SMS: variants seen among roughly 807,000 people sequenced by gnomAD.
SMS encodes spermine synthase.
SMS carries 3 observed loss-of-function variants against 33.0 expected under a neutral mutation model. The ratio of observed to expected loss-of-function variants is 0.09; its 90% CI spans 0.04 to 0.23. The LOEUF (loss-of-function observed/expected upper bound fraction) is 0.23. SMS is among the 10% of genes least tolerant of loss of function. SMS has a pLI of 1.00. For missense variants in SMS, 117 were observed against 288.6 expected (o/e 0.41, Z 4.31); for synonymous variants, 103 against 112.2 (o/e 0.92, Z 0.52).
intron 1 of SMS, among the ~76,000 whole-genome samples, chrX:21,961,462 G>T (rs928526474): frequency 1.8e-5 from 2 of 110,858 alleles, no homozygotes; most frequent in African/African-American, 6.6e-5. Flanking sequence ...TGCACGGGAG[G>T]CAGGTTCCAG....
chrX:21,976,976 G>T, intron 4 of SMS, 85 bp from the exon 5 acceptor site: 1 of 946,529 alleles, frequency 1.1e-6, no homozygotes, highest in Non-Finnish European at 1.5e-6. Context: ...CAGTCATGTG[G>T]CTTTCTTTTG....
At chrX:21,967,378 GTGGAGGA>G in intron 2 of SMS, 62 bp downstream of exon 2, 2 of 1,152,348 alleles carry the variant, frequency 1.7e-6, no homozygotes, top group Non-Finnish European at 2.4e-6. Context: ...GGGTGACAGA[GTGGAGGA>G]TGGGGGTGGC....
At chrX:21,945,122 G>C (rs1369630700) in intron 1 of SMS, among the ~76,000 whole-genome samples, 1 of 112,021 alleles carries the variant, frequency 8.9e-6, no homozygotes, top group Non-Finnish European at 1.9e-5. Flanking sequence ...CCTGGGCTGG[G>C]CGTATCTTTT....
At chrX:21,992,740 C>T (rs762542029) in intron 10 of SMS, 28 bp downstream of exon 10, 1 of 920,774 alleles carries the variant, frequency 1.1e-6, no homozygotes, top group Non-Finnish European at 1.6e-6. Context: ...CATTCTGTTG[C>T]CAGATCAAAG....
chrX:21,943,231 C>T (rs1171547310), intron 1 of SMS, among the ~76,000 whole-genome samples: 1 of 111,981 alleles, frequency 8.9e-6, no homozygotes. Context: ...GTCCTTAAAC[C>T]TCCTTGGCCA....
rs778214794 is a variant in SMS at position 21,971,923 on chromosome X, A to G, written c.197A>G (p.His66Arg). 3 of 1,199,315 alleles carry G rather than the reference A, an allele frequency of 2.5e-6. No homozygotes were observed. The highest frequency in any genetic ancestry group is 3.4e-6 in the Non-Finnish European group (3 of 884,888). Residue 66 changes from histidine to arginine, a missense_variant, in exon 3 of 11, where the codon CAT becomes CGT. His to Arg is a conservative substitution (Grantham distance 29). This residue lies in a region of SMS where 23 missense variants were observed against 60.5 expected (regional missense o/e 0.38). Transcript: ENST00000404933. The part of the protein sequence containing the change: ...GSFANLRIYP[H>R]GLVLLDLQSY... ...TTTGCCAATTTGAGAATTTACCCAC[A>G]TGGATTGGTGTTGCTGGACCTTCAG...
At chrX:21,980,880 C>G (rs1287458239) in intron 7 of SMS, among the ~76,000 whole-genome samples, 2 of 111,754 alleles carry the variant, frequency 1.8e-5, no homozygotes, top group African/African-American at 6.5e-5. Context: ...ATTTCCTTCC[C>G]ACCCATTTCC....
At chrX:21,980,078 C>A (rs1484618051) in intron 7 of SMS, among the ~76,000 whole-genome samples, 1 of 110,138 alleles carries the variant, frequency 9.1e-6, no homozygotes, top group East Asian at 2.8e-4. Flanking sequence ...TAAGCTAAAT[C>A]TGGCAAATTA....
intron 1 of SMS, among the ~76,000 whole-genome samples, chrX:21,943,431 G>T (rs1921964317): frequency 8.9e-6 from 1 of 111,849 alleles, no homozygotes; most frequent in African/African-American, 3.3e-5. Context: ...AGTTGGAAAG[G>T]TGTGGAAGTG....
chrX:21,980,971 G>C (rs769772381), intron 7 of SMS, among the ~76,000 whole-genome samples: 8 of 111,855 alleles, frequency 7.2e-5, no homozygotes, highest in Non-Finnish European at 1.3e-4. Flanking sequence ...ATTATGTTAA[G>C]ATGTTATTGA....
chrX:21,955,914 C>A (rs1001513166), intron 1 of SMS, among the ~76,000 whole-genome samples: 3 of 111,794 alleles, frequency 2.7e-5, no homozygotes, highest in African/African-American at 9.8e-5. Flanking sequence ...TGAGTCTTGA[C>A]TCTCATACGG....
intron 1 of SMS, among the ~76,000 whole-genome samples, chrX:21,949,892 C>A (rs1310503635): frequency 9.1e-6 from 1 of 110,175 alleles, no homozygotes; most frequent in African/African-American, 3.3e-5. Context: ...AATGCTGATT[C>A]GGGATTTCCA....
chrX:21,987,921 C>A (rs1925465551), intron 9 of SMS, among the ~76,000 whole-genome samples: 1 of 112,418 alleles, frequency 8.9e-6, no homozygotes, highest in South Asian at 3.6e-4. Flanking sequence ...TAATAGAATA[C>A]TTGCTTAGAA....
chrX:21,984,513 G>C (rs977568753), intron 8 of SMS, 95 bp downstream of exon 8: 8 of 621,096 alleles, frequency 1.3e-5, no homozygotes, highest in East Asian at 6.9e-5. Flanking sequence ...GTTCTCTCAC[G>C]TTTTTGAAAA....
Position 21,994,331 on chromosome X carries a change from T to C in SMS, c.1081T>C (p.Trp361Arg). Residue 361 changes from tryptophan to arginine, a missense_variant, in exon 11 of 11, where the codon TGG becomes CGG. Physicochemically the swap from Trp to Arg is moderately radical, Grantham distance 101. Around this residue, in one of 3 missense-constraint regions of SMS, gnomAD observed 69 missense variants for 203.8 expected, o/e 0.34. Coordinates refer to ENST00000404933, the MANE Select transcript of SMS (RefSeq NM_004595.5). ...GTCCAGGTGGGTATTTTACACTGTT[T>C]GGAAGAAAGCTAAACCCTGAAGATC... ...YLELWVFYTV[W>R]KKAKP 1 of 1,210,147 alleles carries C rather than the reference T, an allele frequency of 8.3e-7. No individual in the cohort carries two copies. Among genetic ancestry groups the C allele is most frequent in the Non-Finnish European group, 1.1e-6 (1 of 894,017 alleles).
At chrX:21,956,796 T>A (rs1325201429) in intron 1 of SMS, among the ~76,000 whole-genome samples, 3 of 111,868 alleles carry the variant, frequency 2.7e-5, no homozygotes, top group Non-Finnish European at 5.6e-5. Flanking sequence ...AGTTTCGCCA[T>A]TTTGCCCAGG....
At chrX:21,961,411 T>G (rs1271614868) in intron 1 of SMS, among the ~76,000 whole-genome samples, 2 of 110,363 alleles carry the variant, frequency 1.8e-5, no homozygotes, top group Non-Finnish European at 3.8e-5. Flanking sequence ...CAAGCCTGAT[T>G]TTGATCCAAG....
At chrX:21,943,927 T>C (rs1922004595) in intron 1 of SMS, among the ~76,000 whole-genome samples, 1 of 111,903 alleles carries the variant, frequency 8.9e-6, no homozygotes, top group South Asian at 3.7e-4. Context: ...CATGTGAATA[T>C]TGGATGTGAC....
chrX:21,955,916 C>G (rs1385568339), intron 1 of SMS, among the ~76,000 whole-genome samples: 1 of 111,840 alleles, frequency 8.9e-6, no homozygotes, highest in African/African-American at 3.3e-5. Flanking sequence ...AGTCTTGACT[C>G]TCATACGGGT....
Sources: allele counts gnomAD v4.1 joint callset (sites outside exome capture counted in the v4.1 genomes callset), GRCh38; gene constraint gnomAD v4.1.1; regional missense constraint gnomAD v4.1.1; transcripts MANE v1.5; gene names NCBI Gene and HGNC (gene_info 2026-07-23, HGNC 2026-07-21).